The following LEKR1 variants were observed in gnomAD, a reference collection of about 807,000 sequenced individuals.
LEKR1 encodes leucine, glutamate and lysine rich 1.
In LEKR1, 59 loss-of-function variants were observed where a neutral mutation model predicts 72.4. The observed-to-expected ratio is 0.82, with a 90% CI of 0.66 to 1.01. The LOEUF (loss-of-function observed/expected upper bound fraction) is 1.01. Ranked by LOEUF, LEKR1 falls within the 50% of genes least tolerant of loss-of-function variation. LEKR1 has a pLI of 0.00. For missense variants in LEKR1, 728 were observed against 759.2 expected (o/e 0.96, Z 0.48); for synonymous variants, 257 against 263.2 (o/e 0.98, Z 0.23).
intron 3 of LEKR1, among the ~76,000 whole-genome samples, chr3:156,859,371 G>A (rs1366075599): frequency 6.6e-6 from 1 of 151,860 alleles, no homozygotes; most frequent in Admixed American, 6.6e-5. Context: ...TTCTAACACT[G>A]GATTAAAAAA....
rs1318496197 is a variant in LEKR1 at position 157,009,355 on chromosome 3, C to T, written c.1110-2058C>T. On this transcript the variant is annotated intron_variant, in intron 9 of 12. Coordinates refer to ENST00000356539, the MANE Select transcript of LEKR1 (RefSeq NM_001004316.3). ...ATTCTACATTTATAGCACATCTTAA[C>T]TTGAACTGGCCACATTTTAACTGCT... 1.3e-5 allele frequency among the ~76,000 whole-genome samples: 2 copies of T among 152,104 alleles called. 1 individual carries two copies. The highest frequency in any genetic ancestry group is 2.9e-5 in the Non-Finnish European group (2 of 67,978).
rs540344614 is a variant in LEKR1, at chr3:156,972,445, T to C, written c.746-6749T>C. 4.6e-5 allele frequency among the ~76,000 whole-genome samples: 7 copies of C among 152,216 alleles called. No individual in the cohort carries two copies. The East Asian group carries it at 1.3e-3, about 29-fold the overall frequency. On this transcript the variant is annotated intron_variant, in intron 6 of 12. Transcript: ENST00000356539. Reference sequence around the variant, plus strand: ...CCAACATGGCACATGTATACACATGTAACTAACCTGCACGTTGTGCACATG... The same window carrying C: ...CCAACATGGCACATGTATACACATGCAACTAACCTGCACGTTGTGCACATG...
intron 7 of LEKR1, among the ~76,000 whole-genome samples, chr3:156,992,126 CTCTT>C (rs1417149231): frequency 2.0e-5 from 3 of 152,222 alleles, no homozygotes; most frequent in Non-Finnish European, 2.9e-5. Context: ...ATTTGGGACT[CTCTT>C]TCTCCGGCTC....
At chr3:156,961,408 G>T (rs1454905240) in intron 6 of LEKR1, among the ~76,000 whole-genome samples, 1 of 152,128 alleles carries the variant, frequency 6.6e-6, no homozygotes, top group African/African-American at 2.4e-5. Context: ...AAGAAACTTT[G>T]TGGCCATCAA....
At chr3:156,839,400 A>T (rs1713595424) in intron 2 of LEKR1, among the ~76,000 whole-genome samples, 1 of 152,266 alleles carries the variant, frequency 6.6e-6, no homozygotes, top group Non-Finnish European at 1.5e-5. Context: ...AGATGCCATC[A>T]TTCTTATAGA....
chr3:156,920,502 A>C, intron 3 of LEKR1, 73 bp from the exon 4 acceptor site: 1 of 866,080 alleles, frequency 1.2e-6, no homozygotes, highest in Non-Finnish European at 1.7e-6. Context: ...ATTAAAAGTA[A>C]GTATATTTAA....
At chr3:156,921,345 G>C (rs1724175774) in intron 4 of LEKR1, among the ~76,000 whole-genome samples, 2 of 146,068 alleles carry the variant, frequency 1.4e-5, no homozygotes, top group South Asian at 4.3e-4. Context: ...GACTAAAAAA[G>C]TATGCTGGGT....
chr3:156,914,533 T>C (rs1214828943), intron 3 of LEKR1, among the ~76,000 whole-genome samples: 3 of 152,304 alleles, frequency 2.0e-5, no homozygotes, highest in Non-Finnish European at 1.5e-5. Flanking sequence ...ATGGTGTATA[T>C]GTGCCACATT....
At chr3:157,039,940 A>G (rs1434685970) in intron 12 of LEKR1, among the ~76,000 whole-genome samples, 2 of 152,204 alleles carry the variant, frequency 1.3e-5, no homozygotes, top group Non-Finnish European at 2.9e-5. Context: ...GTAAGAGGGT[A>G]AAGGGAGGTT....
At chr3:157,021,384 G>T (rs1161790456) in intron 10 of LEKR1, among the ~76,000 whole-genome samples, 2 of 151,896 alleles carry the variant, frequency 1.3e-5, no homozygotes, top group Non-Finnish European at 2.9e-5. Context: ...TAATGCCTAG[G>T]TTTTCTTCTA....
intron 7 of LEKR1, among the ~76,000 whole-genome samples, chr3:156,982,647 C>G (rs1730299193): frequency 6.6e-6 from 1 of 152,064 alleles, no homozygotes; most frequent in Admixed American, 6.6e-5. Context: ...AGAGGTAGAG[C>G]TTTAATGATG....
chr3:156,930,950 T>C (rs1725172515), intron 5 of LEKR1, among the ~76,000 whole-genome samples: 2 of 152,120 alleles, frequency 1.3e-5, no homozygotes, highest in African/African-American at 2.4e-5. Flanking sequence ...GATAAAATTA[T>C]AAAACTACTA....
At position 156,829,315 on chromosome 3, in the gene LEKR1, A is replaced by G. The variant is rs1560007852; in HGVS notation, c.-15A>G. 3.9e-6 allele frequency: 6 copies of G among 1,522,850 alleles called. No individual in the cohort carries two copies. The highest frequency in any genetic ancestry group is 4.4e-6 in the Non-Finnish European group (5 of 1,135,426). The allele number at this position is 1,522,850 out of a possible 1,614,324, so 94.3% of individuals were successfully genotyped here. A position where few individuals can be genotyped will look rare whatever the true frequency, so the allele number is the denominator to read the frequency against. ...CCTTTGGCTTCAAAGCTCTCTCACCATATTTTGGGAAGTTATGGATCATCA... is the reference window on the plus strand; with the variant it reads ...CCTTTGGCTTCAAAGCTCTCTCACCGTATTTTGGGAAGTTATGGATCATCA... On this transcript the variant is annotated 5_prime_UTR_variant, in exon 2 of 13. Coordinates refer to ENST00000356539, the MANE Select transcript of LEKR1 (RefSeq NM_001004316.3).
intron 3 of LEKR1, chr3:156,888,491 C>T: frequency 3.1e-6 from 2 of 654,702 alleles, no homozygotes; most frequent in Non-Finnish European, 5.6e-6. Flanking sequence ...TATTATGATA[C>T]TAAGCCAGAA....
intron 3 of LEKR1, among the ~76,000 whole-genome samples, chr3:156,871,568 C>T (rs1717960929): frequency 6.6e-6 from 1 of 152,160 alleles, no homozygotes; most frequent in African/African-American, 2.4e-5. Flanking sequence ...TTTACAGTCC[C>T]ACCAACAGTG....
chr3:156,998,927 A>G (rs1650659830), intron 9 of LEKR1, among the ~76,000 whole-genome samples: 1 of 152,114 alleles, frequency 6.6e-6, no homozygotes, highest in African/African-American at 2.4e-5. Context: ...TGTAGTTCCC[A>G]TAATCCCCAC....
chr3:156,936,177 G>A (rs931892133), intron 5 of LEKR1, among the ~76,000 whole-genome samples: 1 of 152,100 alleles, frequency 6.6e-6, no homozygotes, highest in Non-Finnish European at 1.5e-5. Context: ...GGAAAAATCT[G>A]GAGAGTAACA....
intron 3 of LEKR1, among the ~76,000 whole-genome samples, chr3:156,870,493 C>T (rs867561590): frequency 6.6e-6 from 1 of 151,848 alleles, no homozygotes; most frequent in African/African-American, 2.4e-5. Context: ...TCAGCTAATC[C>T]ATTATTGGTA....
intron 9 of LEKR1, among the ~76,000 whole-genome samples, chr3:156,999,524 G>A (rs891087061): frequency 1.6e-4 from 25 of 151,954 alleles, no homozygotes; most frequent in Non-Finnish European, 4.4e-5. Flanking sequence ...TTGCCTTCAC[G>A]GCACCCTGTG....
Sources: allele counts gnomAD v4.1 joint callset (sites outside exome capture counted in the v4.1 genomes callset), GRCh38; gene constraint gnomAD v4.1.1; transcripts MANE v1.5; gene names NCBI Gene and HGNC (gene_info 2026-07-23, HGNC 2026-07-21).